GLIS3: variants seen among roughly 807,000 people sequenced by gnomAD.
The protein encoded by GLIS3 is GLIS family zinc finger 3, also known as zinc finger protein GLIS3.
A neutral mutation model predicts 78.6 loss-of-function variants in GLIS3; 53 were observed. The ratio of observed to expected loss-of-function variants is 0.67; its 90% confidence interval spans 0.54 to 0.85. The LOEUF is 0.85. GLIS3 is among the 40% of genes least tolerant of loss of function. The pLI, the probability that GLIS3 is intolerant of heterozygous loss-of-function variation, is 0.00. For synonymous variants in GLIS3, 684 were observed against 509.9 expected, an observed-to-expected ratio of 1.34 and a Z score of -4.60; for missense variants, 1,703 against 1,231.1, an observed-to-expected ratio of 1.38 and a Z score of -5.74.
At chr9:3,939,979 A>G (rs546988064) in intron 4 of GLIS3, among the ~76,000 whole-genome samples, 1 of 152,360 alleles carries the variant, frequency 6.6e-6, no homozygotes, top group South Asian at 2.1e-4. Flanking sequence ...CACATTGACA[A>G]TTCTGCCGAA....
intron 4 of GLIS3, among the ~76,000 whole-genome samples, chr9:4,039,003 T>C (rs535313729): frequency 1.8e-4 from 27 of 152,296 alleles, no homozygotes; most frequent in Non-Finnish European, 3.1e-4. Flanking sequence ...GCTGAGCAGC[T>C]TGCCACAACA....
chr9:4,479,904 C>CTT, the GLIS3 span, among the ~76,000 whole-genome samples: 696 of 108,756 alleles, frequency 6.4e-3, 7 homozygotes, highest in Non-Finnish European at 8.2e-3. Context: ...ATTTCTTCTT[C>CTT]TTTTTTTTTT....
intron 7 of GLIS3, chr9:3,898,460 A>G (rs1176126120): frequency 2.0e-5 from 11 of 562,152 alleles, no homozygotes; most frequent in East Asian, 1.9e-4. Flanking sequence ...GCAGAAGTCC[A>G]TAACTAAAAG....
At chr9:4,407,633 C>G in the GLIS3 span, among the ~76,000 whole-genome samples, 3 of 152,070 alleles carry the variant, frequency 2.0e-5, no homozygotes, top group Admixed American at 6.6e-5. Flanking sequence ...GGAGACAGAG[C>G]AAGACTCTCT....
intron 2 of GLIS3, among the ~76,000 whole-genome samples, chr9:4,322,318 G>C (rs148945358): frequency 1.3e-5 from 2 of 152,164 alleles, no homozygotes; most frequent in African/African-American, 4.8e-5. Context: ...GTGCTGTTGT[G>C]AATAGTGCCA....
chr9:3,846,902 G>C (rs1007092896), intron 9 of GLIS3, among the ~76,000 whole-genome samples: 2 of 152,202 alleles, frequency 1.3e-5, no homozygotes, highest in African/African-American at 4.8e-5. Context: ...ATGGGGGCAG[G>C]GCCTGGCGAG....
intron 9 of GLIS3, among the ~76,000 whole-genome samples, chr9:3,845,589 G>T (rs532719509): frequency 5.9e-5 from 9 of 152,288 alleles, no homozygotes; most frequent in Non-Finnish European, 1.3e-4. Context: ...TTTGTAAATT[G>T]TATGTAAGGA....
chr9:4,048,115 C>A (rs1825406044), intron 4 of GLIS3, among the ~76,000 whole-genome samples: 1 of 152,164 alleles, frequency 6.6e-6, no homozygotes, highest in Non-Finnish European at 1.5e-5. Context: ...CCATTTACTG[C>A]AGTTCTGTGT....
intron 2 of GLIS3, among the ~76,000 whole-genome samples, chr9:4,170,897 A>C (rs1240479104): frequency 6.6e-6 from 1 of 152,200 alleles, no homozygotes; most frequent in Non-Finnish European, 1.5e-5. Context: ...GACAGGCAGG[A>C]AACACAATGA....
Position 4,023,112 on chromosome 9 carries a change from T to C in GLIS3, c.1711-85923A>G, listed in dbSNP as rs1163727807. On this transcript the variant is annotated intron_variant, in intron 4 of 10. Coordinates refer to ENST00000381971, the MANE Select transcript of GLIS3 (RefSeq NM_001042413.2). ...TTTGAAAACAAATTATATAGGTTTG[T>C]ACGCATTTACATATTGAACTCCAGT... Among the ~76,000 whole-genome samples, 38 of 152,222 alleles carry C rather than the reference T, an allele frequency of 2.5e-4. 1 individual carries two copies. The highest frequency in any genetic ancestry group is 2.3e-3 in the Admixed American group (35 of 15,282).
At chr9:4,274,949 G>C (rs1468596800) in intron 2 of GLIS3, among the ~76,000 whole-genome samples, 1 of 152,196 alleles carries the variant, frequency 6.6e-6, no homozygotes, top group African/African-American at 2.4e-5. Flanking sequence ...TGTTTATTAT[G>C]TCAGATCCAA....
At chr9:4,004,825 A>T (rs373317740) in intron 4 of GLIS3, among the ~76,000 whole-genome samples, 3 of 152,204 alleles carry the variant, frequency 2.0e-5, no homozygotes, top group African/African-American at 7.2e-5. Flanking sequence ...TAGTGATCTC[A>T]ATTTAGTAAA....
At chr9:4,460,642 A>G in the GLIS3 span, among the ~76,000 whole-genome samples, 1 of 151,764 alleles carries the variant, frequency 6.6e-6, no homozygotes, top group Admixed American at 6.6e-5. Flanking sequence ...AGCCATCCCA[A>G]GAGGAGCTTA....
At chr9:4,036,154 G>C (rs767928872) in intron 4 of GLIS3, among the ~76,000 whole-genome samples, 1 of 152,142 alleles carries the variant, frequency 6.6e-6, no homozygotes, top group Non-Finnish European at 1.5e-5. Context: ...TTCCTTTACC[G>C]TTTGAAGACT....
chr9:4,026,287 C>T (rs1447458787), intron 4 of GLIS3, among the ~76,000 whole-genome samples: 1 of 152,164 alleles, frequency 6.6e-6, no homozygotes. Flanking sequence ...TCTCAATCAT[C>T]AAGTCATATA....
intron 4 of GLIS3, among the ~76,000 whole-genome samples, chr9:3,969,651 ATCT>A (rs1347220214): frequency 3.3e-5 from 5 of 152,136 alleles, no homozygotes; most frequent in Admixed American, 1.3e-4. Context: ...TCTTCTGGAG[ATCT>A]TCTTTTCCCA....
At chr9:4,059,804 T>TTGTGTGTGTGTGTGTGTGTGTGTGTGTG (rs138674422) in intron 4 of GLIS3, among the ~76,000 whole-genome samples, 3 of 107,706 alleles carry the variant, frequency 2.8e-5, no homozygotes, top group East Asian at 3.1e-4. Flanking sequence ...TCAGCTTTAT[T>TTGTGTGTGTGTGTGTGTGTGTGTGTGTG]TGTGTGTGTG....
intron 4 of GLIS3, among the ~76,000 whole-genome samples, chr9:3,986,890 A>G (rs1357675574): frequency 6.6e-6 from 1 of 152,272 alleles, no homozygotes; most frequent in Non-Finnish European, 1.5e-5. Context: ...GTTTCCAAAC[A>G]TATGAAATGT....
intron 1 of GLIS3, among the ~76,000 whole-genome samples, chr9:4,290,488 T>A (rs554909053): frequency 3.3e-5 from 5 of 152,284 alleles, no homozygotes; most frequent in African/African-American, 9.6e-5. Flanking sequence ...GCTATTCCCA[T>A]GGGCTTCTCT....
Sources: gnomAD v4.1 joint callset for allele counts (sites outside exome capture counted in the v4.1 genomes callset) on GRCh38, gnomAD v4.1.1 for gene constraint, MANE v1.5 for transcripts, NCBI Gene and HGNC (gene_info 2026-07-23, HGNC 2026-07-21) for gene names.